WWOX: variants seen among roughly 807,000 people sequenced by gnomAD.
WWOX encodes WW domain-containing oxidoreductase.
In WWOX, 69 loss-of-function variants were observed where a neutral mutation model predicts 46.2. The observed-to-expected ratio is 1.49, with a 90% CI of 1.23 to 1.82. The LOEUF (loss-of-function observed/expected upper bound fraction) is 1.82, where lower values mean the gene tolerates loss of function less well. Among genes scored for constraint, WWOX ranks in the 40% most tolerant of loss-of-function variants. The pLI, the probability that WWOX is intolerant of heterozygous loss-of-function variation, is 0.00. For missense variants in WWOX, 919 were observed against 542.6 expected (o/e 1.69, Z -6.89); for synonymous variants, 359 against 202.6 (o/e 1.77, Z -6.56).
intron 8 of WWOX, among the ~76,000 whole-genome samples, chr16:79,118,747 T>C (rs1212096189): frequency 6.6e-6 from 1 of 152,244 alleles, no homozygotes; most frequent in Non-Finnish European, 1.5e-5. Flanking sequence ...TGTTGTGTTG[T>C]GTGGTGTTTG....
intron 8 of WWOX, among the ~76,000 whole-genome samples, chr16:78,613,317 C>T (rs1418983164): frequency 1.3e-5 from 2 of 152,100 alleles, no homozygotes; most frequent in African/African-American, 2.4e-5. Context: ...CCAGTGTGTT[C>T]CTTGAAGTCC....
At chr16:78,642,442 C>T (rs1178030036) in intron 8 of WWOX, among the ~76,000 whole-genome samples, 3 of 152,132 alleles carry the variant, frequency 2.0e-5, no homozygotes, top group African/African-American at 4.8e-5. Flanking sequence ...GCTTTTATTT[C>T]GGCCCTGATG....
chr16:78,336,346 AAC>A (rs1297347032), intron 5 of WWOX, among the ~76,000 whole-genome samples: 2,061 of 133,078 alleles, frequency 0.015, 60 homozygotes, highest in Admixed American at 0.042. Flanking sequence ...AAAAAAAAAA[AAC>A]CACAACAAAT....
Position 78,946,151 on chromosome 16 carries a change from G to A in WWOX, c.1057-265457G>A, listed in dbSNP as rs144213040. ...CTTTAATTCCCCCTACAAGAATGCC[G>A]AGACACCTCTGCCTATTTTCTCTTT... On this transcript the variant is annotated intron_variant, in intron 8 of 8. Transcript: ENST00000566780. 8.5e-3 allele frequency among the ~76,000 whole-genome samples: 1,298 copies of A among 152,192 alleles called. 7 individuals carry two copies. The highest frequency in any genetic ancestry group is 0.011 in the Non-Finnish European group (770 of 68,012).
intron 8 of WWOX, among the ~76,000 whole-genome samples, chr16:78,832,811 T>C (rs2051868365): frequency 6.6e-6 from 1 of 152,176 alleles, no homozygotes; most frequent in East Asian, 1.9e-4. Flanking sequence ...TCTTCTGTGA[T>C]ATTCATTACA....
intron 8 of WWOX, among the ~76,000 whole-genome samples, chr16:78,547,876 G>A (rs2151537960): frequency 6.6e-6 from 1 of 152,202 alleles, no homozygotes; most frequent in African/African-American, 2.4e-5. Context: ...ATATGGCTGG[G>A]CGTGGTGGCT....
At chr16:78,468,331 C>G (rs191198535) in intron 8 of WWOX, among the ~76,000 whole-genome samples, 5 of 151,374 alleles carry the variant, frequency 3.3e-5, no homozygotes, top group African/African-American at 1.2e-4. Flanking sequence ...GAGGCCCCAC[C>G]TGTGCAGCCT....
At chr16:78,574,163 C>T (rs1376941197) in intron 8 of WWOX, among the ~76,000 whole-genome samples, 3 of 152,208 alleles carry the variant, frequency 2.0e-5, no homozygotes, top group African/African-American at 7.2e-5. Context: ...GCTTTTCCCA[C>T]AAAGCAGCTT....
rs188847280 is a variant in WWOX, at chr16:78,436,626, C to T, written c.1056+3874C>T. ...GAGGTTTTTGCCATTGAAAGTAATACGTCACTTCATGCAGAGGTGGAATTG... is the reference window on the plus strand; with the variant it reads ...GAGGTTTTTGCCATTGAAAGTAATATGTCACTTCATGCAGAGGTGGAATTG... On this transcript the variant is annotated intron_variant, in intron 8 of 8. Transcript: ENST00000566780. Among the ~76,000 whole-genome samples, 6 of 152,224 alleles carry T rather than the reference C, an allele frequency of 3.9e-5. No homozygotes were observed. The East Asian group carries it at 7.7e-4, about 20-fold the overall frequency.
At chr16:78,595,789 G>C (rs1299342502) in intron 8 of WWOX, among the ~76,000 whole-genome samples, 1 of 152,162 alleles carries the variant, frequency 6.6e-6, no homozygotes, top group African/African-American at 2.4e-5. Context: ...TATTATTTGT[G>C]ATGAGAAGAT....
At chr16:79,175,103 G>A (rs577893944) in intron 8 of WWOX, among the ~76,000 whole-genome samples, 2 of 152,252 alleles carry the variant, frequency 1.3e-5, no homozygotes, top group African/African-American at 2.4e-5. Context: ...TCTAGTGTTT[G>A]GGATTTGGGG....
intron 8 of WWOX, among the ~76,000 whole-genome samples, chr16:79,116,071 T>C (rs1382332266): frequency 6.6e-6 from 1 of 152,166 alleles, no homozygotes; most frequent in African/African-American, 2.4e-5. Context: ...AAGAAAACAA[T>C]GTACATACCT....
intron 8 of WWOX, among the ~76,000 whole-genome samples, chr16:79,118,985 T>C (rs960707520): frequency 6.6e-6 from 1 of 152,228 alleles, no homozygotes; most frequent in Non-Finnish European, 1.5e-5. Flanking sequence ...GATAAACATC[T>C]CTGTGCATAA....
intron 8 of WWOX, among the ~76,000 whole-genome samples, chr16:79,193,568 A>G (rs1262407370): frequency 6.6e-6 from 1 of 152,168 alleles, no homozygotes; most frequent in East Asian, 1.9e-4. Flanking sequence ...TAGTCCAGTC[A>G]TCCATCTGCG....
intron 8 of WWOX, among the ~76,000 whole-genome samples, chr16:79,086,351 T>C (rs995532193): frequency 6.6e-6 from 1 of 152,224 alleles, no homozygotes; most frequent in African/African-American, 2.4e-5. Context: ...AAGTCAAATT[T>C]GTGCAAAGAA....
chr16:79,065,657 G>C (rs931612854), intron 8 of WWOX, among the ~76,000 whole-genome samples: 5 of 152,208 alleles, frequency 3.3e-5, no homozygotes, highest in African/African-American at 1.2e-4. Flanking sequence ...GCTGAATTCA[G>C]ACCCCTCTCC....
At chr16:78,799,370 AAC>A (rs1333923722) in intron 8 of WWOX, among the ~76,000 whole-genome samples, 1 of 152,192 alleles carries the variant, frequency 6.6e-6, no homozygotes, top group Non-Finnish European at 1.5e-5. Flanking sequence ...TGGGTTAGCA[AAC>A]ACATGCTCAC....
chr16:78,863,068 C>G (rs1273049056), intron 8 of WWOX, among the ~76,000 whole-genome samples: 1 of 151,132 alleles, frequency 6.6e-6, no homozygotes, highest in Non-Finnish European at 1.5e-5. Context: ...AAGCGATTCT[C>G]CTGCCTCAGC....
Position 79,116,893 on chromosome 16 carries a change from C to A in WWOX, c.1057-94715C>A, listed in dbSNP as rs2049527258. 2.0e-5 allele frequency among the ~76,000 whole-genome samples: 3 copies of A among 152,086 alleles called. No homozygotes were observed. The South Asian group carries it at 6.2e-4, about 32-fold the overall frequency. On this transcript the variant is annotated intron_variant, in intron 8 of 8. Transcript: ENST00000566780. ...ACCTGTAGGCTTCTAAAATGTATTTCTTTAATAATAATACTTGATAGTTGA... is the reference window on the plus strand; with the variant it reads ...ACCTGTAGGCTTCTAAAATGTATTTATTTAATAATAATACTTGATAGTTGA...
Sources: gnomAD v4.1 joint callset for allele counts (sites outside exome capture counted in the v4.1 genomes callset) on GRCh38, gnomAD v4.1.1 for gene constraint, MANE v1.5 for transcripts, NCBI Gene and HGNC (gene_info 2026-07-23, HGNC 2026-07-21) for gene names.